The following NBAS variants were observed in gnomAD, a reference collection of about 807,000 sequenced individuals.
The protein encoded by NBAS is NAG/BC035112 fusion.
NBAS carries 219 observed loss-of-function variants against 302.5 expected under a neutral mutation model. The ratio of observed to expected loss-of-function variants is 0.72; its 90% CI spans 0.65 to 0.81. The LOEUF (loss-of-function observed/expected upper bound fraction) is 0.81, where lower values mean the gene tolerates loss of function less well. Ranked by LOEUF, NBAS falls within the 30% of genes least tolerant of loss-of-function variation. The pLI, the probability that NBAS is intolerant of heterozygous loss-of-function variation, is 0.00. For missense variants in NBAS, 2,932 were observed against 2,841.6 expected (o/e 1.03, Z -0.72); for synonymous variants, 1,118 against 1,021.6 (o/e 1.09, Z -1.80).
intron 23 of NBAS, 27 bp downstream of exon 23, chr2:15,424,288 T>C: frequency 6.2e-7 from 1 of 1,613,656 alleles, no homozygotes; most frequent in South Asian, 1.1e-5. Flanking sequence ...CTAACATTAC[T>C]GAGCAGCAGC....
At chr2:14,844,183 T>C in the NBAS span, among the ~76,000 whole-genome samples, 2 of 152,066 alleles carry the variant, frequency 1.3e-5, no homozygotes, top group African/African-American at 4.8e-5. Context: ...GTAAAGAAGA[T>C]TTTGTCATGC....
At chr2:15,305,324 A>T (rs1348380170) in intron 40 of NBAS, among the ~76,000 whole-genome samples, 1 of 152,030 alleles carries the variant, frequency 6.6e-6, no homozygotes, top group African/African-American at 2.4e-5. Flanking sequence ...TTGTGAAGAA[A>T]GTGCCTTGGT....
At chr2:14,949,529 A>G in the NBAS span, among the ~76,000 whole-genome samples, 2 of 152,182 alleles carry the variant, frequency 1.3e-5, no homozygotes, top group African/African-American at 4.8e-5. Context: ...AATCAAAACT[A>G]CAGTATATTG....
intron 21 of NBAS, among the ~76,000 whole-genome samples, chr2:15,455,173 G>A (rs1420474172): frequency 6.6e-6 from 1 of 152,146 alleles, no homozygotes; most frequent in African/African-American, 2.4e-5. Flanking sequence ...AAAGTGCTGG[G>A]ATTACAGGCG....
chr2:15,427,671 C>T (rs1331704766), intron 22 of NBAS, 40 bp downstream of exon 22: 1 of 1,523,976 alleles, frequency 6.6e-7, no homozygotes, highest in Non-Finnish European at 9.0e-7. Context: ...TCACCCATCC[C>T]ACAAAGAAAC....
At chr2:14,855,516 C>T in the NBAS span, among the ~76,000 whole-genome samples, 2 of 152,042 alleles carry the variant, frequency 1.3e-5, no homozygotes, top group Admixed American at 1.3e-4. Flanking sequence ...CTAGACCTGC[C>T]CTGGGCCAGA....
At chr2:15,160,592 A>C in the NBAS span, among the ~76,000 whole-genome samples, 1 of 56,490 alleles carries the variant, frequency 1.8e-5, no homozygotes. Flanking sequence ...GGGCGGGGGG[A>C]GGGGGGGGGG....
At chr2:15,153,726 T>C in the NBAS span, among the ~76,000 whole-genome samples, 205 of 152,348 alleles carry the variant, frequency 1.3e-3, 3 homozygotes, top group African/African-American at 4.6e-3. Context: ...CAGAATCTAC[T>C]TGACTACTTA....
At chr2:14,887,514 G>A in the NBAS span, among the ~76,000 whole-genome samples, 4 of 152,000 alleles carry the variant, frequency 2.6e-5, no homozygotes, top group African/African-American at 9.7e-5. Context: ...AGAGGACCAG[G>A]AGTAGCCTGT....
chr2:15,534,340 C>T (rs559780445), intron 9 of NBAS, among the ~76,000 whole-genome samples: 2 of 152,276 alleles, frequency 1.3e-5, no homozygotes, highest in Admixed American at 1.3e-4. Flanking sequence ...ATTCCCAGTG[C>T]CCCATCTGGC....
At chr2:15,321,373 A>G (rs1022315586) in intron 38 of NBAS, among the ~76,000 whole-genome samples, 29 of 152,354 alleles carry the variant, frequency 1.9e-4, no homozygotes, top group African/African-American at 6.7e-4. Context: ...AGCAATGGCA[A>G]CAAAAGCCAA....
At chr2:14,914,054 C>T in the NBAS span, among the ~76,000 whole-genome samples, 8 of 152,184 alleles carry the variant, frequency 5.3e-5, no homozygotes, top group South Asian at 2.1e-4. Context: ...TGGTAGCAGG[C>T]GAGACAGAAT....
the NBAS span, among the ~76,000 whole-genome samples, chr2:14,922,266 G>T: frequency 3.0e-4 from 45 of 152,324 alleles, no homozygotes; most frequent in African/African-American, 1.1e-3. Flanking sequence ...AGATAAGCAG[G>T]TAGGGCTGGA....
intron 44 of NBAS, among the ~76,000 whole-genome samples, chr2:15,267,248 A>G (rs1669119562): frequency 6.6e-6 from 1 of 152,248 alleles, no homozygotes; most frequent in East Asian, 1.9e-4. Context: ...GGCCATGGCA[A>G]TCTTTTATTT....
Position 15,234,633 on chromosome 2 carries a change from G to A in NBAS, c.6058C>T (p.Gln2020Ter). The change falls in exon 46 of 52, where the codon CAG (glutamine) becomes TAG (stop). Residue 2020 changes from glutamine (Q) to a stop codon, truncating the protein, a stop_gained. Transcript: ENST00000281513. LOFTEE classifies it high-confidence loss of function. ...GGGCCAACTGCCACCTCTAGCAGCT[G>A]CTGAATCATTGCTAGAGGCTGACCA... ...LDGQPLAMIQ[Q>*]LLEVAVGPLD... 3 of 1,614,118 alleles carry A rather than the reference G, an allele frequency of 1.9e-6. No homozygotes were observed. Among genetic ancestry groups the A allele is most frequent in the Non-Finnish European group, 2.5e-6 (3 of 1,179,988 alleles).
Position 15,186,749 on chromosome 2 carries a change from G to A in NBAS, c.6704C>T (p.Pro2235Leu). ...CTCAAAATATCCACTCACCTCTGCA[G>A]GCAGCATCTGCTTGGTGTTATACAA... ...RSLYNTKQML[P>L]AEGVKELCLL... Residue 2235 changes from proline (P) to leucine (L), a missense_variant, in exon 50 of 52, where the codon CCT (proline) becomes CTT (leucine). Transcript: ENST00000281513. 6.2e-7 allele frequency: 1 copy of A among 1,613,752 alleles called. No individual in the cohort carries two copies.
intron 40 of NBAS, among the ~76,000 whole-genome samples, chr2:15,294,643 CTG>C (rs766800581): frequency 5.6e-4 from 86 of 152,322 alleles, no homozygotes; most frequent in Middle Eastern, 3.4e-3. Flanking sequence ...GCTCAGCACT[CTG>C]GTGTGCACTG....
intron 29 of NBAS, among the ~76,000 whole-genome samples, chr2:15,382,044 C>A (rs1325448424): frequency 6.6e-6 from 1 of 152,028 alleles, no homozygotes; most frequent in African/African-American, 2.4e-5. Context: ...ATTAAAAAAA[C>A]TTGTTTTAGA....
the NBAS span, among the ~76,000 whole-genome samples, chr2:14,893,073 T>A: frequency 2.7e-4 from 41 of 152,322 alleles, 1 homozygote; most frequent in African/African-American, 8.7e-4. Context: ...ATTATTAATC[T>A]TCTGTTTTTT....
Sources: allele counts gnomAD v4.1 joint callset (sites outside exome capture counted in the v4.1 genomes callset), GRCh38; gene constraint gnomAD v4.1.1; transcripts MANE v1.5; gene names NCBI Gene and HGNC (gene_info 2026-07-23, HGNC 2026-07-21).